Variants in ARHGAP18 observed in about 807,000 individuals in gnomAD.
The protein encoded by ARHGAP18 is rho GTPase-activating protein 18.
A neutral mutation model predicts 86.2 loss-of-function variants in ARHGAP18; 67 were observed. The ratio of observed to expected loss-of-function variants is 0.78; its 90% confidence interval spans 0.64 to 0.95. The LOEUF (loss-of-function observed/expected upper bound fraction) is 0.95. ARHGAP18 is among the 40% of genes least tolerant of loss of function. The probability of loss-of-function intolerance (pLI) is 0.00; values close to 1 mark genes in which losing one functional copy is unlikely to be tolerated. For missense variants in ARHGAP18, 691 were observed against 780.4 expected (o/e 0.89, Z 1.37); for synonymous variants, 283 against 280.4 (o/e 1.01, Z -0.09).
At position 129,676,915 on chromosome 6, in the gene ARHGAP18, C is replaced by CTTTTTTTTTTTT. The variant is rs10688716; in HGVS notation, c.113+33097_113+33108dup. Reference sequence around the variant, plus strand: ...AAACAGATGAAAAATTTTTTGTCCTCTTTTTTTTTTTTTTTTTTTTTTTTT... The same window carrying CTTTTTTTTTTTT: ...AAACAGATGAAAAATTTTTTGTCCTCTTTTTTTTTTTTTTTTTTTTTTTTTTTTTTTTTTTTT... On this transcript the variant is annotated intron_variant, in intron 1 of 14. Transcript: ENST00000368149. 1.6e-3 allele frequency among the ~76,000 whole-genome samples: 62 copies of CTTTTTTTTTTTT among 37,986 alleles called. 1 individual carries two copies. The highest frequency in any genetic ancestry group is 4.2e-3 in the African/African-American group (61 of 14,510). The allele number at this position is 37,986 out of a possible 152,430, so 24.9% of individuals were successfully genotyped here. A position where few individuals can be genotyped will look rare whatever the true frequency, so the allele number is the denominator to read the frequency against.
At chr6:129,706,885 CAAAAAAAAAAA>C (rs34099358) in intron 1 of ARHGAP18, among the ~76,000 whole-genome samples, 3 of 61,020 alleles carry the variant, frequency 4.9e-5, no homozygotes, top group Non-Finnish European at 9.1e-5. Flanking sequence ...GACTCTGTCT[CAAAAAAAAAAA>C]AAAAAAAAAA....
At chr6:129,630,434 A>T (rs72984748) in intron 4 of ARHGAP18, among the ~76,000 whole-genome samples, 10,144 of 152,306 alleles carry the variant, frequency 0.067, 392 homozygotes, top group South Asian at 0.086. Context: ...CCTTTGAATC[A>T]TAGTAAGAAG....
In ARHGAP18 at chr6:129,608,063, CGAAAA is replaced by C; in HGVS notation, c.1123-16_1123-12del. The C allele has an allele frequency of 6.2e-6, 4 of 643,588 alleles. No individual in the cohort carries two copies. The highest frequency in any genetic ancestry group is 4.3e-5 in the East Asian group (1 of 23,232). The allele number at this position is 643,588 out of a possible 1,614,324, so 39.9% of individuals were successfully genotyped here. Reference sequence around the variant, plus strand: ...TTCTTGGCAAAGATTCTGATAGGCACGAAAAAAAAAAAAAAAAAAAAAAGAAGCAG... The same window carrying C: ...TTCTTGGCAAAGATTCTGATAGGCACAAAAAAAAAAAAAAAAAAGAAGCAG... On this transcript the variant is annotated splice_polypyrimidine_tract_variant and intron_variant, in intron 8 of 14. Coordinates refer to ENST00000368149, the MANE Select transcript of ARHGAP18 (RefSeq NM_033515.3).
chr6:129,698,201 G>A (rs1332682416), intron 1 of ARHGAP18, among the ~76,000 whole-genome samples: 2 of 151,952 alleles, frequency 1.3e-5, no homozygotes, highest in Non-Finnish European at 2.9e-5. Flanking sequence ...TTTTTTCTAG[G>A]CTTATCATTT....
intron 1 of ARHGAP18, among the ~76,000 whole-genome samples, chr6:129,668,125 A>T (rs1181193231): frequency 6.6e-6 from 1 of 152,194 alleles, no homozygotes; most frequent in East Asian, 1.9e-4. Context: ...TCCATTTGGA[A>T]TTATCGTGTA....
At chr6:129,593,316 C>A (rs1288837166) in intron 12 of ARHGAP18, among the ~76,000 whole-genome samples, 1 of 152,008 alleles carries the variant, frequency 6.6e-6, no homozygotes, top group Non-Finnish European at 1.5e-5. Flanking sequence ...TAAAAATTAA[C>A]CAGGCATGGT....
intron 12 of ARHGAP18, among the ~76,000 whole-genome samples, chr6:129,584,737 G>A (rs1437008558): frequency 6.6e-6 from 1 of 152,154 alleles, no homozygotes; most frequent in Non-Finnish European, 1.5e-5. Flanking sequence ...ATACCAAAAT[G>A]TCAGCTATAG....
chr6:129,666,319 C>T (rs554505548), intron 1 of ARHGAP18, among the ~76,000 whole-genome samples: 1 of 152,218 alleles, frequency 6.6e-6, no homozygotes, highest in African/African-American at 2.4e-5. Flanking sequence ...TGCTGGGCAG[C>T]CAAAAGAACG....
intron 1 of ARHGAP18, among the ~76,000 whole-genome samples, chr6:129,653,273 T>TTA (rs749147983): frequency 5.3e-5 from 8 of 152,266 alleles, no homozygotes; most frequent in Non-Finnish European, 1.2e-4. Flanking sequence ...ATGGAGAAGA[T>TTA]ATTTATAAAG....
At chr6:129,635,438 C>T (rs961887111) in intron 3 of ARHGAP18, among the ~76,000 whole-genome samples, 2 of 152,152 alleles carry the variant, frequency 1.3e-5, no homozygotes, top group African/African-American at 4.8e-5. Flanking sequence ...CACTTTAATC[C>T]CCTGAAGCAC....
intron 1 of ARHGAP18, among the ~76,000 whole-genome samples, chr6:129,675,805 C>T (rs1774223041): frequency 6.6e-6 from 1 of 152,150 alleles, no homozygotes; most frequent in Admixed American, 6.5e-5. Flanking sequence ...TCTACCTGAG[C>T]TGTCAATCAA....
At chr6:129,624,990 T>C (rs112812891) in intron 5 of ARHGAP18, among the ~76,000 whole-genome samples, 1 of 75,104 alleles carries the variant, frequency 1.3e-5, no homozygotes, top group East Asian at 2.6e-4. Context: ...TAATATATAT[T>C]ATATATGATA....
chr6:129,611,233 A>T (rs1788972867), intron 8 of ARHGAP18, among the ~76,000 whole-genome samples: 1 of 152,096 alleles, frequency 6.6e-6, no homozygotes, highest in Non-Finnish European at 1.5e-5. Flanking sequence ...GCTACTACTC[A>T]TCCTGGCTAA....
Position 129,605,931 on chromosome 6 carries a change from C to T in ARHGAP18, c.1311G>A (p.Gln437=). The change falls in exon 10 of 15, where the codon CAG becomes CAA. Residue 437 remains glutamine, a synonymous_variant. Transcript: ENST00000368149. ...QNLPTKKQQL[Q]ALNLLVILLP... is the part of the protein sequence containing the mutation. ...GGAGGATGACAAGAAGGTTCAAAGC[C>T]TGTAGTTGCTGCTTCTTGGTTGGAA... 2 of 1,613,592 alleles carry T rather than the reference C, an allele frequency of 1.2e-6. No homozygotes were observed. The highest frequency in any genetic ancestry group is 1.7e-4 in the Middle Eastern group (1 of 6,060).
At chr6:129,691,590 T>C (rs948366918) in intron 1 of ARHGAP18, among the ~76,000 whole-genome samples, 1 of 152,188 alleles carries the variant, frequency 6.6e-6, no homozygotes, top group African/African-American at 2.4e-5. Flanking sequence ...GTAAGTGACA[T>C]TCTGTATTCG....
At chr6:129,688,830 C>T (rs1465707133) in intron 1 of ARHGAP18, among the ~76,000 whole-genome samples, 1 of 151,804 alleles carries the variant, frequency 6.6e-6, no homozygotes, top group Non-Finnish European at 1.5e-5. Flanking sequence ...GTAGCTACTA[C>T]ACTGGCTAAT....
chr6:129,673,233 A>G (rs1393938528), intron 1 of ARHGAP18, among the ~76,000 whole-genome samples: 1 of 152,174 alleles, frequency 6.6e-6, no homozygotes, highest in African/African-American at 2.4e-5. Context: ...GTATTTTCAT[A>G]CTACATGGAA....
intron 12 of ARHGAP18, among the ~76,000 whole-genome samples, chr6:129,594,919 GT>G (rs1343794421): frequency 6.6e-6 from 1 of 152,098 alleles, no homozygotes; most frequent in Non-Finnish European, 1.5e-5. Flanking sequence ...CAGAGTTTTG[GT>G]ATATATCCTT....
intron 1 of ARHGAP18, among the ~76,000 whole-genome samples, chr6:129,649,633 T>G (rs187435312): frequency 6.6e-6 from 1 of 151,454 alleles, no homozygotes; most frequent in East Asian, 1.9e-4. Context: ...ACCCACTTCT[T>G]GCTTTGTTTT....
Sources: allele counts gnomAD v4.1 joint callset (sites outside exome capture counted in the v4.1 genomes callset), GRCh38; gene constraint gnomAD v4.1.1; transcripts MANE v1.5; gene names NCBI Gene and HGNC (gene_info 2026-07-23, HGNC 2026-07-21).